WASHC2A: variants seen among roughly 807,000 people sequenced by gnomAD.
WASHC2A encodes WASH complex subunit 2A.
In WASHC2A, 82 loss-of-function variants were observed where a neutral mutation model predicts 140.3. The ratio of observed to expected loss-of-function variants is 0.58; its 90% CI spans 0.49 to 0.70. The LOEUF is 0.70. WASHC2A is among the 30% of genes least tolerant of loss of function. The pLI is 0.00. For missense variants in WASHC2A, 985 were observed against 1,521.8 expected (o/e 0.65, Z 5.87); for synonymous variants, 340 against 560.8 (o/e 0.61, Z 5.56).
At chr10:50,102,989 C>T (rs2132738474) in intron 17 of WASHC2A, among the ~76,000 whole-genome samples, 1 of 151,846 alleles carries the variant, frequency 6.6e-6, no homozygotes, top group East Asian at 2.0e-4. Context: ...GCCACAGCCT[C>T]CTGAGTAGCT....
At chr10:50,124,633 G>A (rs1172893934) in intron 23 of WASHC2A, among the ~76,000 whole-genome samples, 1 of 152,128 alleles carries the variant, frequency 6.6e-6, no homozygotes, top group African/African-American at 2.4e-5. Context: ...GGCCTGCAGT[G>A]CTTACAGGTG....
chr10:50,092,964 G>A (rs1316234239), intron 11 of WASHC2A, among the ~76,000 whole-genome samples: 1 of 123,308 alleles, frequency 8.1e-6, no homozygotes, highest in Admixed American at 9.1e-5. Context: ...GGTCTTGAAT[G>A]TGGCGTCTGA....
chr10:50,087,389 A>G, intron 8 of WASHC2A, 67 bp downstream of exon 8: 1 of 1,599,076 alleles, frequency 6.3e-7, no homozygotes, highest in Non-Finnish European at 8.6e-7. Context: ...ATATACTAAT[A>G]TTACTTTGGA....
intron 5 of WASHC2A, among the ~76,000 whole-genome samples, chr10:50,083,434 C>T (rs1334571642): frequency 8.8e-6 from 1 of 114,116 alleles, no homozygotes; most frequent in Admixed American, 8.5e-5. Flanking sequence ...GAGGTTGTAC[C>T]CTTTTCCCTG....
chr10:50,095,644 A>G lies in WASHC2A; in HGVS notation c.1286A>G (p.Glu429Gly). 6.2e-7 allele frequency: 1 copy of G among 1,611,808 alleles called. No individual in the cohort carries two copies. The highest frequency in any genetic ancestry group is 1.7e-5 in the Admixed American group (1 of 59,982). ...GCTGCCTCCGTTCCATCAATGAAGG[A>G]GCCACAGAAGCCTGAGCAGCCCACT... ...FGAASVPSMK[E>G]PQKPEQPTPR... Residue 429 changes from glutamate (E) to glycine (G), a missense_variant, in exon 15 of 31, where the codon GAG (glutamate) becomes GGG (glycine). Transcript: ENST00000282633.
At position 50,129,449 on chromosome 10, in the gene WASHC2A, C is replaced by T; in HGVS notation, c.3118C>T (p.Pro1040Ser). The change falls in exon 29 of 31, where the codon CCG (proline) becomes TCG (serine). Residue 1040 changes from proline to serine, a missense_variant. Transcript: ENST00000282633. Reference protein sequence around the residue: ...SRVKMRGKRRPQTRAARRLAA... With the variant: ...SRVKMRGKRRSQTRAARRLAA... ...TGTCAAGATGAGAGGGAAGCGTAGA[C>T]CGCAGACCCGTGCAGCTAGGCGGCT... The T allele has an allele frequency of 6.8e-6, 11 of 1,611,998 alleles. No homozygotes were observed. The highest frequency in any genetic ancestry group is 1.1e-5 in the South Asian group (1 of 90,992).
At chr10:50,098,431 A>C (rs1840717464) in intron 16 of WASHC2A, among the ~76,000 whole-genome samples, 1 of 139,548 alleles carries the variant, frequency 7.2e-6, no homozygotes, top group South Asian at 2.5e-4. Flanking sequence ...CCTCACATGC[A>C]CAGTTCACAA....
At chr10:50,080,708 G>GGCAGTATCAGTATATTGGAGACCCATACT in intron 4 of WASHC2A, 50 bp from the exon 5 acceptor site, 1 of 293,610 alleles carries the variant, frequency 3.4e-6, no homozygotes, top group Non-Finnish European at 5.7e-6. Context: ...ATTCTTTTGG[G>GGCAGTATCAGTATATTGGAGACCCATACT]GCAGTATCAG....
Position 50,129,596 on chromosome 10 carries a change from G to A in WASHC2A, c.3265G>A (p.Glu1089Lys). The change falls in exon 29 of 31, where the codon GAA (glutamate) becomes AAA (lysine). Residue 1089 changes from glutamate to lysine, a missense_variant. Physicochemically the swap from Glu to Lys is moderately conservative, Grantham distance 56. Coordinates refer to ENST00000282633, the MANE Select transcript of WASHC2A (RefSeq NM_001005751.3). The stretch of plus-strand genomic sequence containing the variant: ...GCCACAGCTCAGAGCAGCCAGTGGA[G>A]AAGACAGCACTGAGGAGGCCCTGGC... Reference protein sequence around the residue: ...HRPQLRAASGEDSTEEALAAA... With the variant: ...HRPQLRAASGKDSTEEALAAA... 6.2e-7 allele frequency: 1 copy of A among 1,612,074 alleles called. No individual in the cohort carries two copies. The highest frequency in any genetic ancestry group is 2.2e-5 in the East Asian group (1 of 44,880).
chr10:50,123,346 C>G (rs1421004890), intron 23 of WASHC2A, among the ~76,000 whole-genome samples: 2 of 130,452 alleles, frequency 1.5e-5, no homozygotes, highest in Non-Finnish European at 3.4e-5. Context: ...GAAACAATGG[C>G]TAAACATAAT....
At chr10:50,103,278 G>A (rs1248670467) in intron 17 of WASHC2A, among the ~76,000 whole-genome samples, 3 of 150,190 alleles carry the variant, frequency 2.0e-5, no homozygotes, top group South Asian at 2.1e-4. Context: ...GAAATATGTC[G>A]GCCGGGTGTG....
intron 17 of WASHC2A, among the ~76,000 whole-genome samples, chr10:50,100,426 G>C (rs1841006300): frequency 6.6e-6 from 1 of 151,114 alleles, no homozygotes; most frequent in Admixed American, 6.6e-5. Context: ...AAGTTGCAAT[G>C]AACCGAGATC....
rs1554894928 is a variant in WASHC2A, at chr10:50,126,150, A to G, written c.2782A>G (p.Lys928Glu). ...TGAATCCATTCAAGGTAGTAAAGAA[A>G]AAGGCATATGGAAGCCGGAAACACC... The part of the protein sequence containing the change: ...HPESIQGSKE[K>E]GIWKPETPQD... The change falls in exon 26 of 31, where the codon AAA becomes GAA. Residue 928 changes from lysine (K) to glutamate (E), a missense_variant. Physicochemically the swap from Lys to Glu is moderately conservative, Grantham distance 56. Transcript: ENST00000282633. 1 of 1,613,730 alleles carries G rather than the reference A, an allele frequency of 6.2e-7. No individual in the cohort carries two copies. The highest frequency in any genetic ancestry group is 1.7e-5 in the Admixed American group (1 of 59,990).
intron 26 of WASHC2A, among the ~76,000 whole-genome samples, chr10:50,126,858 ATTTTGCCTGCTGGTCAG>A (rs1370239642): frequency 1.3e-5 from 2 of 151,886 alleles, no homozygotes; most frequent in Non-Finnish European, 2.9e-5. Flanking sequence ...CAACATGGTA[ATTTTGCCTGCTGGTCAG>A]TTTTAGGTGC....
In WASHC2A at chr10:50,100,513, T is replaced by C. The variant is rs1169054250; in HGVS notation, c.1635+449T>C. Among the ~76,000 whole-genome samples, 100 of 152,308 alleles carry C rather than the reference T, an allele frequency of 6.6e-4. No homozygotes were observed. In the East Asian group the frequency reaches 0.014, roughly 22 times the overall value. ...AATAAATGAATAAAAAATAATCTCTTGAGAGCACAGGGGCTTTAGAAAGCA... is the reference window on the plus strand; with the variant it reads ...AATAAATGAATAAAAAATAATCTCTCGAGAGCACAGGGGCTTTAGAAAGCA... On this transcript the variant is annotated intron_variant, in intron 17 of 30. Coordinates refer to ENST00000282633, the MANE Select transcript of WASHC2A (RefSeq NM_001005751.3).
intron 17 of WASHC2A, among the ~76,000 whole-genome samples, chr10:50,103,197 A>T (rs1190073053): frequency 6.6e-6 from 1 of 151,956 alleles, no homozygotes; most frequent in Non-Finnish European, 1.5e-5. Flanking sequence ...TTGCAATGTC[A>T]TATACCTATA....
At chr10:50,109,926 C>T (rs1490174742) in intron 19 of WASHC2A, among the ~76,000 whole-genome samples, 175 bp from the exon 20 acceptor site, 12 of 151,650 alleles carry the variant, frequency 7.9e-5, no homozygotes, top group East Asian at 1.9e-4. Context: ...CCCGCCACCA[C>T]GCCCGGCTAA....
In WASHC2A at chr10:50,099,968, C is replaced by T. The variant is rs782498510; in HGVS notation, c.1549-10C>T. 4 of 1,475,460 alleles carry T rather than the reference C, an allele frequency of 2.7e-6. No homozygotes were observed. Among genetic ancestry groups the T allele is most frequent in the South Asian group, 2.4e-5 (2 of 82,552 alleles). The allele number at this position is 1,475,460 out of a possible 1,614,324, so 91.4% of individuals were successfully genotyped here. ...TTTCTTCCCCACCCCCCCCCCCACC[C>T]CCGACAAAGGTTACCTTATCTTCCA... On this transcript the variant is annotated splice_polypyrimidine_tract_variant and intron_variant, in intron 16 of 30. Coordinates refer to ENST00000282633, the MANE Select transcript of WASHC2A (RefSeq NM_001005751.3).
chr10:50,079,636 T>A (rs1838714065), intron 4 of WASHC2A, among the ~76,000 whole-genome samples: 1 of 152,230 alleles, frequency 6.6e-6, no homozygotes, highest in South Asian at 2.1e-4. Context: ...TGACCTCAAA[T>A]GATCCGCCAG....
Sources: allele counts gnomAD v4.1 joint callset (sites outside exome capture counted in the v4.1 genomes callset), GRCh38; gene constraint gnomAD v4.1.1; transcripts MANE v1.5; gene names NCBI Gene and HGNC (gene_info 2026-07-23, HGNC 2026-07-21).